PDGFRB: variants seen among roughly 807,000 people sequenced by gnomAD.
PDGFRB encodes platelet-derived growth factor receptor beta.
In PDGFRB, 42 loss-of-function variants were observed where a neutral mutation model predicts 120.2. That is an observed-to-expected ratio of 0.35 (90% CI 0.27 to 0.45). The LOEUF is 0.45. Among genes scored for constraint, PDGFRB ranks in the 20% least tolerant of loss-of-function variants. The probability of loss-of-function intolerance (pLI) is 1.00; values close to 1 mark genes in which losing one functional copy is unlikely to be tolerated. For missense variants in PDGFRB, 1,149 were observed against 1,476.3 expected (o/e 0.78, Z 3.63); for synonymous variants, 586 against 606.8 (o/e 0.97, Z 0.50).
rs111808340 is a variant in PDGFRB at position 150,126,654 on chromosome 5, C to G, written c.1580-40G>C. On this transcript the variant is annotated intron_variant, in intron 10 of 22. Coordinates refer to ENST00000261799, the MANE Select transcript of PDGFRB (RefSeq NM_002609.4). ...GAGAGCAGGCCATGAGCAAACTGGG[C>G]AGCTACCCTCCCCTCACCCCATCTT... 1.7e-5 allele frequency: 18 copies of G among 1,050,532 alleles called. No individual in the cohort carries two copies. In the East Asian group the frequency reaches 4.0e-4, roughly 23 times the overall value. 65.1% of individuals were successfully genotyped at this position (1,050,532 alleles called of 1,614,324 possible).
intron 10 of PDGFRB, among the ~76,000 whole-genome samples, chr5:150,128,577 T>C (rs1375316843): frequency 6.6e-6 from 1 of 152,230 alleles, no homozygotes; most frequent in African/African-American, 2.4e-5. Context: ...CCAGATTGAG[T>C]TGAACTCTTT....
chr5:150,115,660 T>G lies in PDGFRB; in HGVS notation c.*103A>C. On this transcript the variant is annotated 3_prime_UTR_variant, in exon 23 of 23. Transcript: ENST00000261799. ...AAAGCTTCCAGAAGGGGACAGCTGA[T>G]AAGGGCAGCCTGGCTGACAGGAAGC... is the stretch of plus-strand genomic sequence containing the variant. 1.8e-6 allele frequency: 2 copies of G among 1,121,716 alleles called. No individual in the cohort carries two copies. Among genetic ancestry groups the G allele is most frequent in the Non-Finnish European group, 2.5e-6 (2 of 812,554 alleles). 69.5% of individuals were successfully genotyped at this position (1,121,716 alleles called of 1,614,324 possible).
intron 13 of PDGFRB, 102 bp from the exon 14 acceptor site, chr5:150,124,462 A>G: frequency 1.2e-6 from 1 of 851,774 alleles, no homozygotes; most frequent in Non-Finnish European, 1.9e-6. Context: ...CCTGTGCTGC[A>G]AGACCCAGGC....
Position 150,137,068 on chromosome 5 carries a change from A to G in PDGFRB, c.-6-15T>C, listed in dbSNP as rs188399329. On this transcript the variant is annotated splice_polypyrimidine_tract_variant and intron_variant, in intron 1 of 22. Transcript: ENST00000261799. ...CGCATGGTGTCCTGCAGAGTTAAAC[A>G]GGAGTCAGGGCCCAGGGCAGGTGGA... is the stretch of plus-strand genomic sequence containing the variant. The G allele has an allele frequency of 2.4e-4, 379 of 1,611,418 alleles. 2 individuals are homozygous for G. The African/African-American group carries it at 4.0e-3, about 17-fold the overall frequency.
intron 22 of PDGFRB, among the ~76,000 whole-genome samples, chr5:150,116,280 A>C (rs1294972843): frequency 6.6e-6 from 1 of 152,148 alleles, no homozygotes; most frequent in Non-Finnish European, 1.5e-5. Flanking sequence ...CCTTGCAATG[A>C]CCGCCTAATA....
intron 10 of PDGFRB, among the ~76,000 whole-genome samples, 156 bp downstream of exon 10, chr5:150,129,601 C>T (rs182770321): frequency 2.5e-3 from 383 of 152,340 alleles, no homozygotes; most frequent in Admixed American, 5.0e-3. Flanking sequence ...AGAATGTGTT[C>T]CTATGCATGT....
Position 150,155,841 on chromosome 5 carries a change from C to G in PDGFRB, c.-451G>C, listed in dbSNP as rs1265642703. On this transcript the variant is annotated 5_prime_UTR_variant, in exon 1 of 23. Coordinates refer to ENST00000261799, the MANE Select transcript of PDGFRB (RefSeq NM_002609.4). ...AGATAGGGCGGGCAGTCACTGCTGG[C>G]TGCTGGCAGCCTCAGGAGCTCACAC... The G allele has an allele frequency of 5.0e-6, 2 of 396,804 alleles. No individual in the cohort carries two copies. The highest frequency in any genetic ancestry group is 8.9e-6 in the Non-Finnish European group (2 of 225,500). The allele number at this position is 396,804 out of a possible 1,614,324, so 24.6% of individuals were successfully genotyped here. A position where few individuals can be genotyped will look rare whatever the true frequency, so the allele number is the denominator to read the frequency against.
chr5:150,130,895 C>T (rs529985877), intron 8 of PDGFRB, among the ~76,000 whole-genome samples: 3 of 152,252 alleles, frequency 2.0e-5, no homozygotes, highest in Admixed American at 2.0e-4. Context: ...CTGAGACTTG[C>T]TAATCTTCCC....
intron 1 of PDGFRB, among the ~76,000 whole-genome samples, chr5:150,150,892 AG>A (rs1159236076): frequency 6.6e-6 from 1 of 152,134 alleles, no homozygotes; most frequent in Non-Finnish European, 1.5e-5. Flanking sequence ...AGAGACCTAA[AG>A]GGTTACAGCA....
At chr5:150,127,435 C>T (rs1387421778) in intron 10 of PDGFRB, among the ~76,000 whole-genome samples, 1 of 152,220 alleles carries the variant, frequency 6.6e-6, no homozygotes, top group East Asian at 1.9e-4. Context: ...ACCTCCTCCT[C>T]CCCATCCATT....
rs528808022 is a variant in PDGFRB, at chr5:150,150,786, T to TC, written c.-7+4610dup. Among the ~76,000 whole-genome samples the TC allele has an allele frequency of 2.1e-3, 326 of 152,154 alleles. 1 individual carries two copies. The highest frequency in any genetic ancestry group is 7.7e-3 in the African/African-American group (318 of 41,502). Reference sequence around the variant, plus strand: ...ACCAGAGGTAGGTCCCTGTGTCCATTCCCCCCCTCACCTCTGGATCCCATC... The same window carrying TC: ...ACCAGAGGTAGGTCCCTGTGTCCATTCCCCCCCCTCACCTCTGGATCCCATC... On this transcript the variant is annotated intron_variant, in intron 1 of 22. Coordinates refer to ENST00000261799, the MANE Select transcript of PDGFRB (RefSeq NM_002609.4).
Position 150,131,810 on chromosome 5 carries a change from C to T in PDGFRB, c.1243+169G>A, listed in dbSNP as rs1213229236. Among the ~76,000 whole-genome samples the T allele has an allele frequency of 2.0e-5, 3 of 152,112 alleles. No homozygotes were observed. The East Asian group carries it at 5.8e-4, about 29-fold the overall frequency. On this transcript the variant is annotated intron_variant, in intron 8 of 22. Transcript: ENST00000261799. Reference sequence around the variant, plus strand: ...CTTATACAGCTGGGGAAACTGAGGCCCAGAGGCCAGGTTCACACGGCAGTG... The same window carrying T: ...CTTATACAGCTGGGGAAACTGAGGCTCAGAGGCCAGGTTCACACGGCAGTG...
Position 150,121,136 on chromosome 5 carries a change from G to A in PDGFRB, c.2463+68C>T, listed in dbSNP as rs1760118351. On this transcript the variant is annotated intron_variant, in intron 17 of 22. Transcript: ENST00000261799. The surrounding 1 kb of genome is among the most constrained non-coding windows in gnomAD (Gnocchi z 4.1). Reference sequence around the variant, plus strand: ...GAGGCCACCCTGGTGTGCTCTTGGAGGATGCTGGCTGGCTGGGTGACCCAC... The same window carrying A: ...GAGGCCACCCTGGTGTGCTCTTGGAAGATGCTGGCTGGCTGGGTGACCCAC... 6 of 1,356,318 alleles carry A rather than the reference G, an allele frequency of 4.4e-6. No homozygotes were observed. The Admixed American group carries it at 5.0e-5, about 11-fold the overall frequency. The allele number at this position is 1,356,318 out of a possible 1,614,324, so 84.0% of individuals were successfully genotyped here.
chr5:150,132,603 G>T lies in PDGFRB; in HGVS notation c.1127+147C>A. 1.4e-6 allele frequency: 1 copy of T among 694,638 alleles called. No individual in the cohort carries two copies. Among genetic ancestry groups the T allele is most frequent in the Non-Finnish European group, 2.4e-6 (1 of 419,620 alleles). 43.0% of individuals were successfully genotyped at this position (694,638 alleles called of 1,614,324 possible). ...AAACTCTAGGAGGGATGAACTGTCA[G>T]CTCTGGTCGCTGCAGCATCCCCAGC... On this transcript the variant is annotated intron_variant, in intron 7 of 22. Coordinates refer to ENST00000261799, the MANE Select transcript of PDGFRB (RefSeq NM_002609.4). The surrounding 1 kb of genome is among the most constrained non-coding windows in gnomAD (Gnocchi z 5.0).
At chr5:150,123,309 G>C (rs989942246) in intron 14 of PDGFRB, 108 bp from the exon 15 acceptor site, 1 of 804,446 alleles carries the variant, frequency 1.2e-6, no homozygotes. Context: ...TTGGCATGAC[G>C]GCTAGGAGGC....
intron 1 of PDGFRB, 125 bp from the exon 2 acceptor site, chr5:150,137,178 GA>G (rs1255885726): frequency 2.9e-6 from 2 of 694,228 alleles, no homozygotes; most frequent in Non-Finnish European, 4.9e-6. Context: ...CCGAGGGGCT[GA>G]AGTCAAAAGC....
chr5:150,121,929 G>A lies in PDGFRB; in HGVS notation c.2295C>T (p.Asp765=). Residue 765 remains aspartate (D), a synonymous_variant, in exon 16 of 23, where the codon GAC becomes GAT. Transcript: ENST00000261799. This position sits in a 1 kb window ranked among gnomAD's most constrained non-coding sequence, Gnocchi z 4.1. The part of the protein sequence containing the change: ...LDMKGDVKYA[D]IESSNYMAPY... ...GGGCCATGTAGTTGGAGGACTCGAT[G>A]TCTGCATATTTGACGTCTCCTTTCA... 1 of 1,613,510 alleles carries A rather than the reference G, an allele frequency of 6.2e-7. No individual in the cohort carries two copies. The highest frequency in any genetic ancestry group is 8.5e-7 in the Non-Finnish European group (1 of 1,179,400).
intron 1 of PDGFRB, among the ~76,000 whole-genome samples, chr5:150,138,127 T>C (rs1326125335): frequency 6.6e-6 from 1 of 152,194 alleles, no homozygotes; most frequent in East Asian, 1.9e-4. Flanking sequence ...GAGCCAAGTA[T>C]GCCAAGAGTC....
intron 13 of PDGFRB, 112 bp from the exon 14 acceptor site, chr5:150,124,472 C>T: frequency 1.3e-6 from 1 of 798,914 alleles, no homozygotes; most frequent in Non-Finnish European, 2.0e-6. Context: ...AAGACCCAGG[C>T]AGCCTGGCGG....
Sources: allele counts gnomAD v4.1 joint callset (sites outside exome capture counted in the v4.1 genomes callset), GRCh38; gene constraint gnomAD v4.1.1; non-coding constraint Gnocchi (gnomAD v3.1); transcripts MANE v1.5; gene names NCBI Gene and HGNC (gene_info 2026-07-23, HGNC 2026-07-21).